CFAP46: variants seen among roughly 807,000 people sequenced by gnomAD.
CFAP46 encodes the protein cilia and flagella associated protein 46.
A neutral mutation model predicts 325.7 loss-of-function variants in CFAP46; 245 were observed. That is an observed-to-expected ratio of 0.75 (90% CI 0.68 to 0.84). The LOEUF (loss-of-function observed/expected upper bound fraction) is 0.84. Among genes scored for constraint, CFAP46 ranks in the 40% least tolerant of loss-of-function variants. The pLI is 0.00. For synonymous variants in CFAP46, 1,523 were observed against 1,495.9 expected, an observed-to-expected ratio of 1.02 and a Z score of -0.42; for missense variants, 3,346 against 3,543.0, an observed-to-expected ratio of 0.94 and a Z score of 1.41.
intron 13 of CFAP46, among the ~76,000 whole-genome samples, chr10:132,921,168 C>T (rs1049977200): frequency 6.6e-6 from 1 of 152,230 alleles, no homozygotes; most frequent in African/African-American, 2.4e-5. Context: ...CCACAGGCTG[C>T]AGTCTGGGTG....
chr10:132,920,269 C>CG lies in CFAP46; in HGVS notation c.1607-88dup. 4 of 1,415,140 alleles carry CG rather than the reference C, an allele frequency of 2.8e-6. No individual in the cohort carries two copies. In the South Asian group the frequency reaches 6.1e-5, roughly 22 times the overall value. 87.7% of individuals were successfully genotyped at this position (1,415,140 alleles called of 1,614,324 possible). The stretch of plus-strand genomic sequence containing the variant: ...ATCAGTAACCAATGCCCTGCGCCGG[C>CG]GCCGGGGTGGCCACCCACAGGTAGC... On this transcript the variant is annotated intron_variant, in intron 13 of 57. Transcript: ENST00000368586.
At chr10:132,843,126 C>T (rs1848370389) in intron 44 of CFAP46, among the ~76,000 whole-genome samples, 5 of 152,232 alleles carry the variant, frequency 3.3e-5, no homozygotes, top group African/African-American at 4.8e-5. Context: ...GCTGCATTCA[C>T]TTTTCCCAGA....
At position 132,813,010 on chromosome 10, in the gene CFAP46, C is replaced by T. The variant is rs530214625; in HGVS notation, c.7389-113G>A. On this transcript the variant is annotated intron_variant, in intron 54 of 57. Transcript: ENST00000368586. Reference sequence around the variant, plus strand: ...GTGGTCCACGCCTGTCCCATTTGTGCATTAAACTGAACTTTCTTTCATGTT... The same window carrying T: ...GTGGTCCACGCCTGTCCCATTTGTGTATTAAACTGAACTTTCTTTCATGTT... 13 of 735,736 alleles carry T rather than the reference C, an allele frequency of 1.8e-5. No homozygotes were observed. In the East Asian group the frequency reaches 3.3e-4, roughly 19 times the overall value. 45.6% of individuals were successfully genotyped at this position (735,736 alleles called of 1,614,324 possible).
In CFAP46 at chr10:132,850,235, A is replaced by G; in HGVS notation, c.5952+9T>C. Reference sequence around the variant, plus strand: ...GAGCCAGACTTGGGATAGAAGCAGGAGCACCTACCGAGGGGCCCGCCTCCC... The same window carrying G: ...GAGCCAGACTTGGGATAGAAGCAGGGGCACCTACCGAGGGGCCCGCCTCCC... On this transcript the variant is annotated intron_variant, in intron 41 of 57. Coordinates refer to ENST00000368586, the MANE Select transcript of CFAP46 (RefSeq NM_001200049.3). The G allele has an allele frequency of 6.5e-7, 1 of 1,550,336 alleles. No individual in the cohort carries two copies. The highest frequency in any genetic ancestry group is 8.7e-7 in the Non-Finnish European group (1 of 1,146,744).
chr10:132,813,036 C>A, intron 54 of CFAP46, 139 bp from the exon 55 acceptor site: 1 of 645,824 alleles, frequency 1.5e-6, no homozygotes, highest in South Asian at 1.8e-5. Context: ...CTTTCATGTT[C>A]CTAATGCCCA....
chr10:132,824,034 A>G (rs1303149660), intron 50 of CFAP46, among the ~76,000 whole-genome samples: 7 of 82,254 alleles, frequency 8.5e-5, no homozygotes, highest in Non-Finnish European at 1.1e-4. Flanking sequence ...GTGAGTGCTG[A>G]TGTGTGCTGA....
rs368048121 is a variant in CFAP46 at position 132,939,663 on chromosome 10, C to T, written c.372-910G>A. On this transcript the variant is annotated intron_variant, in intron 4 of 57. Transcript: ENST00000368586. This position sits in a 1 kb window ranked among gnomAD's most constrained non-coding sequence, Gnocchi z 4.6. ...TGTTTCCAGGTTTTCAGGAGAGGAG[C>T]GGAGGTGCGGGGTGTCCTGACCAGA... is the stretch of plus-strand genomic sequence containing the variant. 2.4e-4 allele frequency among the ~76,000 whole-genome samples: 37 copies of T among 152,252 alleles called. No individual in the cohort carries two copies. The highest frequency in any genetic ancestry group is 2.1e-3 in the East Asian group (11 of 5,168).
chr10:132,866,126 A>G lies in CFAP46; in HGVS notation c.4789T>C (p.Ser1597Pro). ...GETGRDLDGT[S>P]FPHLWMLKAE... is the part of the protein sequence containing the mutation. ...TTCAGCATCCACAGGTGGGGAAAGG[A>G]CGTCCCATCCAGGTCCCTCCCGGTC... The change falls in exon 35 of 58, where the codon TCC becomes CCC. Residue 1597 changes from serine (S) to proline (P), a missense_variant. Coordinates refer to ENST00000368586, the MANE Select transcript of CFAP46 (RefSeq NM_001200049.3). 6.5e-7 allele frequency: 1 copy of G among 1,544,336 alleles called. No homozygotes were observed. Among genetic ancestry groups the G allele is most frequent in the Admixed American group, 2.0e-5 (1 of 50,262 alleles).
At chr10:132,824,044 ATGTGTGCTG>A (rs1471297014) in intron 50 of CFAP46, among the ~76,000 whole-genome samples, 56 of 70,954 alleles carry the variant, frequency 7.9e-4, no homozygotes, top group Admixed American at 1.5e-3. Flanking sequence ...ATGTGTGCTG[ATGTGTGCTG>A]TGTGTGCTGA....
At chr10:132,887,161 T>TCTC (rs59864574) in intron 25 of CFAP46, among the ~76,000 whole-genome samples, 39 of 34,028 alleles carry the variant, frequency 1.1e-3, no homozygotes, top group African/African-American at 3.0e-3. Flanking sequence ...CTCTCTCCTC[T>TCTC]CTCTTCTTTC....
intron 35 of CFAP46, 72 bp downstream of exon 35, chr10:132,865,953 C>T (rs866741593): frequency 7.6e-6 from 10 of 1,323,956 alleles, no homozygotes; most frequent in Middle Eastern, 2.7e-4. Flanking sequence ...AGCTTCTGCC[C>T]GCAGTCCCTC....
chr10:132,910,083 T>C lies in CFAP46; in HGVS notation c.2500-15A>G. On this transcript the variant is annotated splice_polypyrimidine_tract_variant and intron_variant, in intron 19 of 57. Transcript: ENST00000368586. ...AACTCGCAGACCTAGGACAGACGTGTTCTCGGTCACGAAACCTGAATTCTA... is the reference window on the plus strand; with the variant it reads ...AACTCGCAGACCTAGGACAGACGTGCTCTCGGTCACGAAACCTGAATTCTA... 7.1e-7 allele frequency: 1 copy of C among 1,406,032 alleles called. No individual in the cohort carries two copies. The highest frequency in any genetic ancestry group is 1.5e-5 in the African/African-American group (1 of 67,470). The allele number at this position is 1,406,032 out of a possible 1,614,324, so 87.1% of individuals were successfully genotyped here. A position where few individuals can be genotyped will look rare whatever the true frequency, so the allele number is the denominator to read the frequency against.
chr10:132,915,451 A>G (rs1215019809), intron 17 of CFAP46, among the ~76,000 whole-genome samples: 1 of 152,232 alleles, frequency 6.6e-6, no homozygotes, highest in Non-Finnish European at 1.5e-5. Flanking sequence ...CTGCTGCCTG[A>G]CCACCTCTTC....
intron 50 of CFAP46, among the ~76,000 whole-genome samples, chr10:132,830,238 G>A (rs1848127711): frequency 6.6e-6 from 1 of 152,008 alleles, no homozygotes; most frequent in Non-Finnish European, 1.5e-5. Context: ...CCACCTCCCG[G>A]GTTCAAGCAA....
At chr10:132,912,463 CTCTCTCTCTCTTCACA>C (rs1283254080) in intron 19 of CFAP46, among the ~76,000 whole-genome samples, 176 bp downstream of exon 19, 1 of 135,250 alleles carries the variant, frequency 7.4e-6, no homozygotes, top group Non-Finnish European at 1.6e-5. Context: ...CTCTCTTCAC[CTCTCTCTCTCTTCACA>C]TCTCTCTCTC....
chr10:132,942,568 A>G lies in CFAP46; in HGVS notation c.-84T>C. ...CTGTCGGTTGGGTTCTCCAGCCGCG[A>G]GGACCCGGCCACGGTTGCCTGGAGA... On this transcript the variant is annotated 5_prime_UTR_variant, in exon 1 of 58. Transcript: ENST00000368586. The G allele has an allele frequency of 8.6e-7, 1 of 1,159,536 alleles. No homozygotes were observed. Among genetic ancestry groups the G allele is most frequent in the Non-Finnish European group, 1.1e-6 (1 of 919,290 alleles). The allele number at this position is 1,159,536 out of a possible 1,614,324, so 71.8% of individuals were successfully genotyped here. A position where few individuals can be genotyped will look rare whatever the true frequency, so the allele number is the denominator to read the frequency against.
intron 50 of CFAP46, among the ~76,000 whole-genome samples, chr10:132,824,827 C>T (rs1339688769): frequency 2.4e-4 from 25 of 102,148 alleles, no homozygotes; most frequent in East Asian, 3.2e-4. Flanking sequence ...GCTGTCTGTG[C>T]GCTGTGTGCT....
chr10:132,831,533 C>T (rs1163717313), intron 50 of CFAP46, among the ~76,000 whole-genome samples: 1 of 152,178 alleles, frequency 6.6e-6, no homozygotes, highest in African/African-American at 2.4e-5. Flanking sequence ...TGAACTCCAC[C>T]TTTTTCTAAT....
intron 24 of CFAP46, 148 bp from the exon 25 acceptor site, chr10:132,892,565 T>C (rs569931481): frequency 1.5e-5 from 10 of 674,360 alleles, no homozygotes; most frequent in African/African-American, 1.3e-4. Context: ...AACCTGACAA[T>C]GTTGTACCGG....
Sources: gnomAD v4.1 joint callset for allele counts (sites outside exome capture counted in the v4.1 genomes callset) on GRCh38, gnomAD v4.1.1 for gene constraint, Gnocchi (gnomAD v3.1) non-coding constraint, MANE v1.5 for transcripts, NCBI Gene and HGNC (gene_info 2026-07-23, HGNC 2026-07-21) for gene names.